Variants in FAM181A observed in about 807,000 individuals in gnomAD.
FAM181A encodes the protein family with sequence similarity 181 member A.
FAM181A carries 7 observed loss-of-function variants against 16.3 expected under a neutral mutation model. The observed-to-expected ratio is 0.43, with a 90% CI of 0.24 to 0.81. The LOEUF (loss-of-function observed/expected upper bound fraction) is 0.81, where lower values mean the gene tolerates loss of function less well. Among genes scored for constraint, FAM181A ranks in the 30% least tolerant of loss-of-function variants. The pLI, the probability that FAM181A is intolerant of heterozygous loss-of-function variation, is 0.24. For synonymous variants in FAM181A, 183 were observed against 164.9 expected (o/e 1.11, Z -0.84); for missense variants, 349 against 377.5 (o/e 0.92, Z 0.63).
In FAM181A at chr14:93,927,443, G is replaced by A; in HGVS notation, c.-99G>A. Reference sequence around the variant, plus strand: ...GCCGGGCCACGTTGGTGGGGCCTGGGCCGCACCTTCGGTCAGTGTGGAGGC... The same window carrying A: ...GCCGGGCCACGTTGGTGGGGCCTGGACCGCACCTTCGGTCAGTGTGGAGGC... On this transcript the variant is annotated 5_prime_UTR_variant, in exon 1 of 2. Transcript: ENST00000556222. 1 of 1,223,352 alleles carries A rather than the reference G, an allele frequency of 8.2e-7. No individual in the cohort carries two copies. Among genetic ancestry groups the A allele is most frequent in the Non-Finnish European group, 1.1e-6 (1 of 950,916 alleles). 75.8% of individuals were successfully genotyped at this position (1,223,352 alleles called of 1,614,324 possible).
At chr14:93,924,423 C>T (rs1887828926), upstream of FAM181A, among the ~76,000 whole-genome samples, 1 of 152,152 alleles carries the variant, frequency 6.6e-6, no homozygotes, top group South Asian at 2.1e-4. Context: ...CTGCCCAGAC[C>T]CAGGACAATA....
chr14:93,925,635 CAAAGGTTG>C (rs980329517), upstream of FAM181A, among the ~76,000 whole-genome samples: 1 of 151,882 alleles, frequency 6.6e-6, no homozygotes, highest in African/African-American at 2.4e-5. Flanking sequence ...CTCACCCATG[CAAAGGTTG>C]CCGCAGGCAG....
chr14:93,926,625 G>C (rs1202303039), upstream of FAM181A, among the ~76,000 whole-genome samples: 1 of 152,188 alleles, frequency 6.6e-6, no homozygotes, highest in Non-Finnish European at 1.5e-5. The surrounding 1 kb of genome is among the most constrained non-coding windows in gnomAD (Gnocchi z 5.2). Flanking sequence ...GCTCAATTGA[G>C]GAAGCAAACA....
rs145475417 is a variant in FAM181A at position 93,928,565 on chromosome 14, G to T, written c.280G>T (p.Gly94Cys). 6.2e-7 allele frequency: 1 copy of T among 1,613,472 alleles called. No individual in the cohort carries two copies. Among genetic ancestry groups the T allele is most frequent in the African/African-American group, 1.3e-5 (1 of 74,938 alleles). The change falls in exon 2 of 2, where the codon GGC (glycine) becomes TGC (cysteine). Residue 94 changes from glycine to cysteine, a missense_variant. Gly to Cys is a radical substitution (Grantham distance 159). Transcript: ENST00000556222. ...GPDSSPGGGG[G>C]CKEKVLRNPY... ...TGATTCCAGCCCCGGCGGGGGTGGG[G>T]GCTGCAAGGAGAAGGTGCTGAGGAA...
intron 1 of FAM181A, chr14:93,927,734 C>T: frequency 1.3e-6 from 1 of 782,872 alleles, no homozygotes; most frequent in Admixed American, 6.9e-5. Context: ...GTGCTGGGGG[C>T]AGGAGTGGTG....
At chr14:93,922,638 C>T (rs1422484031), upstream of FAM181A, among the ~76,000 whole-genome samples, 2 of 152,086 alleles carry the variant, frequency 1.3e-5, no homozygotes, top group Non-Finnish European at 1.5e-5. Context: ...TGCAGTGAGC[C>T]GAGATCGCAC....
At chr14:93,927,031 A>AAC (rs375272025), upstream of FAM181A, 2,026 of 94,946 alleles carry the variant, frequency 0.021, 32 homozygotes, top group Middle Eastern at 0.062. Context: ...GGACATTTTA[A>AAC]ACACACACAC....
chr14:93,927,414 A>T lies in FAM181A; in HGVS notation c.-128A>T. 8.6e-7 allele frequency: 1 copy of T among 1,168,288 alleles called. No individual in the cohort carries two copies. The highest frequency in any genetic ancestry group is 1.6e-5 in the South Asian group (1 of 62,268). 72.4% of individuals were successfully genotyped at this position (1,168,288 alleles called of 1,614,324 possible). A position where few individuals can be genotyped will look rare whatever the true frequency, so the allele number is the denominator to read the frequency against. On this transcript the variant is annotated 5_prime_UTR_variant, in exon 1 of 2. Transcript: ENST00000556222. ...GCCTGTCCCAGGTCTGCAGTGGGGA[A>T]CCTGCCGGGCCACGTTGGTGGGGCC...
chr14:93,924,939 C>T (rs1356351858), upstream of FAM181A: 7 of 331,202 alleles, frequency 2.1e-5, no homozygotes, highest in South Asian at 6.9e-5. Flanking sequence ...TTGTGGAATA[C>T]GGCTCTTGGC....
intron 1 of FAM181A, chr14:93,927,721 C>A: frequency 4.0e-6 from 4 of 1,008,472 alleles, no homozygotes. Context: ...GCTGGTGCTC[C>A]TCGTGCTGGG....
chr14:93,921,608 G>A (rs959104424), intron 1 of FAM181A, among the ~76,000 whole-genome samples: 1 of 152,244 alleles, frequency 6.6e-6, no homozygotes, highest in Non-Finnish European at 1.5e-5. Context: ...ATCTTGTGAT[G>A]TCTGCGTCGC....
chr14:93,925,928 C>A (rs1887889460), upstream of FAM181A, among the ~76,000 whole-genome samples: 1 of 151,974 alleles, frequency 6.6e-6, no homozygotes. Flanking sequence ...TGGGAAGGAG[C>A]AGGGCCATCA....
chr14:93,925,463 T>G (rs1887869083), upstream of FAM181A: 1 of 1,234,910 alleles, frequency 8.1e-7, no homozygotes, highest in Non-Finnish European at 1.1e-6. Context: ...GAGCTGGCCC[T>G]GGTGGCCACA....
upstream of FAM181A, chr14:93,925,162 A>G: frequency 1.0e-6 from 1 of 980,596 alleles, no homozygotes; most frequent in Non-Finnish European, 1.5e-6. Flanking sequence ...TGGCTAAGAA[A>G]GGAGAGACAG....
chr14:93,928,814 C>T lies in FAM181A; in HGVS notation c.529C>T (p.Leu177=). 1 of 1,614,024 alleles carries T rather than the reference C, an allele frequency of 6.2e-7. No individual in the cohort carries two copies. Among genetic ancestry groups the T allele is most frequent in the Non-Finnish European group, 8.5e-7 (1 of 1,179,926 alleles). ...GKKNCKGLEP[L]GPETTLVSMS... ...GAAAAATTGCAAGGGCTTGGAGCCC[C>T]TGGGACCTGAGACTACCCTGGTGTC... The change falls in exon 2 of 2, where the codon CTG becomes TTG. Residue 177 remains leucine (L), a synonymous_variant. Transcript: ENST00000556222.
intron 1 of FAM181A, 133 bp from the exon 2 acceptor site, chr14:93,928,066 C>A: frequency 7.1e-7 from 1 of 1,412,222 alleles, no homozygotes; most frequent in Non-Finnish European, 9.5e-7. Flanking sequence ...ACCCACATCC[C>A]TCTACCCAGG....
upstream of FAM181A, chr14:93,925,260 T>G (rs1326214143): frequency 6.2e-7 from 1 of 1,613,128 alleles, no homozygotes; most frequent in Non-Finnish European, 8.5e-7. Context: ...TGAGTGGCTC[T>G]AAAATGTCTT....
At chr14:93,925,422 T>A (rs752034444), upstream of FAM181A, 2 of 1,541,694 alleles carry the variant, frequency 1.3e-6, no homozygotes, top group African/African-American at 2.7e-5. Context: ...CTGTTGGCTG[T>A]GCACACCAGC....
upstream of FAM181A, among the ~76,000 whole-genome samples, chr14:93,922,569 A>G (rs1378191321): frequency 6.6e-6 from 1 of 152,194 alleles, no homozygotes; most frequent in Non-Finnish European, 1.5e-5. Context: ...ACACGTCTGT[A>G]ATCCCAGCTA....
Sources: allele counts gnomAD v4.1 joint callset (sites outside exome capture counted in the v4.1 genomes callset), GRCh38; gene constraint gnomAD v4.1.1; non-coding constraint Gnocchi (gnomAD v3.1); transcripts MANE v1.5; gene names NCBI Gene and HGNC (gene_info 2026-07-23, HGNC 2026-07-21).